Variants in TFAP2D observed in about 807,000 individuals in gnomAD.
The protein encoded by TFAP2D is transcription factor AP-2-delta.
In TFAP2D, 9 loss-of-function variants were observed where a neutral mutation model predicts 43.6. The observed-to-expected ratio is 0.21, with a 90% CI of 0.12 to 0.36. TFAP2D has a LOEUF of 0.36. Ranked by LOEUF, TFAP2D falls within the 10% of genes least tolerant of loss-of-function variation. TFAP2D has a pLI of 1.00. For missense variants in TFAP2D, 513 were observed against 561.4 expected, an observed-to-expected ratio of 0.91 and a Z score of 0.87; for synonymous variants, 256 against 224.9, an observed-to-expected ratio of 1.14 and a Z score of -1.24.
intron 7 of TFAP2D, among the ~76,000 whole-genome samples, chr6:50,759,844 G>A (rs1414016831): frequency 6.6e-6 from 1 of 151,992 alleles, no homozygotes; most frequent in Admixed American, 6.6e-5. Context: ...GGACCTCAAA[G>A]TAAGTGGCTG....
chr6:50,718,824 T>A (rs752496203), intron 2 of TFAP2D, among the ~76,000 whole-genome samples: 11 of 152,240 alleles, frequency 7.2e-5, no homozygotes, highest in Non-Finnish European at 8.8e-5. Context: ...TATGCCAAGA[T>A]GAAAGACTCC....
At chr6:50,721,793 C>G (rs1351768330) in intron 3 of TFAP2D, among the ~76,000 whole-genome samples, 7 of 152,210 alleles carry the variant, frequency 4.6e-5, no homozygotes, top group Non-Finnish European at 1.0e-4. Flanking sequence ...ACCATTTTCT[C>G]TTTTCTGCTA....
intron 5 of TFAP2D, among the ~76,000 whole-genome samples, chr6:50,739,325 G>C (rs754217529): frequency 2.0e-5 from 3 of 152,030 alleles, no homozygotes; most frequent in Admixed American, 6.5e-5. Context: ...TGTGGTGTTT[G>C]GTTTTCTGTC....
intron 3 of TFAP2D, 37 bp downstream of exon 3, chr6:50,719,187 T>C: frequency 6.3e-7 from 1 of 1,589,878 alleles, no homozygotes; most frequent in Non-Finnish European, 8.6e-7. Flanking sequence ...CCCTAGACAT[T>C]CTTCTCCTAT....
At chr6:50,767,581 A>G (rs988177126) in intron 7 of TFAP2D, among the ~76,000 whole-genome samples, 7 of 152,148 alleles carry the variant, frequency 4.6e-5, no homozygotes, top group Non-Finnish European at 7.4e-5. Context: ...GCAAGTTTCT[A>G]TCCTTTGGAA....
At chr6:50,755,934 G>A (rs893358711) in intron 7 of TFAP2D, among the ~76,000 whole-genome samples, 1 of 151,852 alleles carries the variant, frequency 6.6e-6, no homozygotes, top group Non-Finnish European at 1.5e-5. Context: ...TACCTAGGTT[G>A]GAGTGCAGTG....
intron 7 of TFAP2D, among the ~76,000 whole-genome samples, chr6:50,752,033 C>T (rs979506607): frequency 1.3e-5 from 2 of 151,496 alleles, no homozygotes; most frequent in East Asian, 1.9e-4. Flanking sequence ...GGAAAGATGC[C>T]GTGACAGAAA....
intron 5 of TFAP2D, among the ~76,000 whole-genome samples, chr6:50,744,334 T>A (rs1291904376): frequency 6.6e-6 from 1 of 152,176 alleles, no homozygotes; most frequent in Non-Finnish European, 1.5e-5. Flanking sequence ...TTACTTAGGA[T>A]AATGGCCTCC....
intron 7 of TFAP2D, among the ~76,000 whole-genome samples, chr6:50,760,456 C>A (rs1581777517): frequency 6.6e-6 from 1 of 151,952 alleles, no homozygotes; most frequent in Non-Finnish European, 1.5e-5. Flanking sequence ...TGAGTGATTT[C>A]TTCTATGCAT....
intron 5 of TFAP2D, among the ~76,000 whole-genome samples, chr6:50,742,994 C>CAT (rs1554154433): frequency 2.0e-5 from 3 of 147,446 alleles, no homozygotes; most frequent in African/African-American, 7.6e-5. Context: ...CACACACACA[C>CAT]ATCTTTGTGC....
At chr6:50,753,439 GT>G (rs1232341492) in intron 7 of TFAP2D, among the ~76,000 whole-genome samples, 6 of 151,932 alleles carry the variant, frequency 3.9e-5, no homozygotes, top group African/African-American at 1.2e-4. Context: ...TGCCAACTTA[GT>G]GCCACAGAAC....
chr6:50,763,249 A>G (rs1769390703), intron 7 of TFAP2D, among the ~76,000 whole-genome samples: 1 of 152,080 alleles, frequency 6.6e-6, no homozygotes, highest in East Asian at 1.9e-4. Flanking sequence ...GCCTTCAATC[A>G]CATTGTTAAT....
chr6:50,727,084 C>T (rs993981621), intron 3 of TFAP2D, among the ~76,000 whole-genome samples: 12 of 152,128 alleles, frequency 7.9e-5, no homozygotes, highest in Non-Finnish European at 1.6e-4. Flanking sequence ...TAACTTCTAG[C>T]CTGAAGATGG....
chr6:50,720,431 A>T (rs1275337161), intron 3 of TFAP2D, among the ~76,000 whole-genome samples: 1 of 151,552 alleles, frequency 6.6e-6, no homozygotes, highest in East Asian at 1.9e-4. Context: ...CTGGTAGTTT[A>T]CATTAAATTT....
At chr6:50,747,514 A>C (rs1360224750) in intron 6 of TFAP2D, among the ~76,000 whole-genome samples, 2 of 152,088 alleles carry the variant, frequency 1.3e-5, no homozygotes, top group Non-Finnish European at 2.9e-5. Flanking sequence ...ATGCATATTC[A>C]AAGACCTTCA....
chr6:50,755,872 CT>C (rs1320750043), intron 7 of TFAP2D, among the ~76,000 whole-genome samples: 1 of 151,692 alleles, frequency 6.6e-6, no homozygotes, highest in African/African-American at 2.4e-5. Context: ...TACAGCATGT[CT>C]TTTTTATTTT....
chr6:50,715,217 T>G lies in TFAP2D; in HGVS notation c.141T>G (p.Thr47=). ...CCTATTCCTCCTCCTCTCCTTTAAC[T>G]TACTCCACCACCGGCACCGAGTTTG... ...TVAYSSSSPL[T]YSTTGTEFAS... is the part of the protein sequence containing the mutation. The change falls in exon 2 of 8, where the codon ACT becomes ACG. Residue 47 remains threonine, a synonymous_variant. Coordinates refer to ENST00000008391, the MANE Select transcript of TFAP2D (RefSeq NM_172238.4). The G allele has an allele frequency of 4.3e-6, 7 of 1,613,970 alleles. No homozygotes were observed. The highest frequency in any genetic ancestry group is 5.9e-6 in the Non-Finnish European group (7 of 1,179,992).
intron 7 of TFAP2D, among the ~76,000 whole-genome samples, chr6:50,758,000 A>C (rs906787173): frequency 6.6e-6 from 1 of 151,060 alleles, no homozygotes; most frequent in Admixed American, 6.7e-5. Context: ...AGATTATAAT[A>C]ATATCTCAAT....
rs148321478 is a variant in TFAP2D, at chr6:50,772,775, G to A, written c.1270G>A (p.Gly424Ser). Reference protein sequence around the residue: ...THKNGGAADSGQGHANSEKAP... With the variant: ...THKNGGAADSSQGHANSEKAP... ...CAAGAACGGCGGAGCGGCGGATTCT[G>A]GCCAAGGACATGCCAACTCGGAGAA... Residue 424 changes from glycine to serine, a missense_variant, in exon 8 of 8, where the codon GGC (glycine) becomes AGC (serine). Coordinates refer to ENST00000008391, the MANE Select transcript of TFAP2D (RefSeq NM_172238.4). 3.6e-3 allele frequency: 5,821 copies of A among 1,614,080 alleles called. 16 individuals are homozygous for A. Among genetic ancestry groups the A allele is most frequent in the Admixed American group, 5.4e-3 (326 of 60,006 alleles).
Sources: gnomAD v4.1 joint callset for allele counts (sites outside exome capture counted in the v4.1 genomes callset) on GRCh38, gnomAD v4.1.1 for gene constraint, MANE v1.5 for transcripts, NCBI Gene and HGNC (gene_info 2026-07-23, HGNC 2026-07-21) for gene names.